GSK3B: variants seen among roughly 807,000 people sequenced by gnomAD.
GSK3B encodes glycogen synthase kinase-3 beta.
GSK3B carries 15 observed loss-of-function variants against 56.4 expected under a neutral mutation model. That is an observed-to-expected ratio of 0.27 (90% confidence interval 0.18 to 0.41). GSK3B has a LOEUF of 0.41. GSK3B is among the 10% of genes least tolerant of loss of function. The pLI, the probability that GSK3B is intolerant of heterozygous loss-of-function variation, is 1.00. For synonymous variants in GSK3B, 181 were observed against 188.9 expected, an observed-to-expected ratio of 0.96 and a Z score of 0.34; for missense variants, 300 against 513.4, an observed-to-expected ratio of 0.58 and a Z score of 4.02.
In GSK3B at chr3:119,822,129, A is replaced by G; in HGVS notation, c.*4659T>C. On this transcript the variant is annotated 3_prime_UTR_variant, in exon 11 of 11. Coordinates refer to ENST00000264235, the MANE Select transcript of GSK3B (RefSeq NM_001146156.2). ...AGTTTATATTTAAAATGAAAAAAAA[A>G]TCAGTCACAGAGGCATTCAAGTAGT... 5.0e-6 allele frequency: 1 copy of G among 198,086 alleles called. No individual in the cohort carries two copies. Among genetic ancestry groups the G allele is most frequent in the Non-Finnish European group, 1.0e-5 (1 of 96,286 alleles). 12.3% of individuals were successfully genotyped at this position (198,086 alleles called of 1,614,324 possible).
chr3:119,870,174 CCATCCTCA>C (rs1169179544), intron 8 of GSK3B, among the ~76,000 whole-genome samples: 10 of 152,194 alleles, frequency 6.6e-5, no homozygotes, highest in African/African-American at 2.4e-4. Context: ...TTTCCCTCCA[CCATCCTCA>C]CTGGAAGTCT....
chr3:119,947,275 C>T lies in GSK3B; in HGVS notation c.359G>A (p.Gly120Asp). Reference sequence around the variant, plus strand: ...ACTTTGTGTCAAACCTACCTTCTCACCACTGGAGTAGAAGAAATAACGCAA... The same window carrying T: ...ACTTTGTGTCAAACCTACCTTCTCATCACTGGAGTAGAAGAAATAACGCAA... ...VRLRYFFYSSGEKKDEVYLNL... is the reference protein window; with the variant it reads ...VRLRYFFYSSDEKKDEVYLNL... The change falls in exon 3 of 11, where the codon GGT becomes GAT. Residue 120 changes from glycine (G) to aspartate (D), a missense_variant. Physicochemically the swap from Gly to Asp is moderately conservative, Grantham distance 94. Transcript: ENST00000264235. The T allele has an allele frequency of 6.4e-7, 1 of 1,561,896 alleles. No individual in the cohort carries two copies. The highest frequency in any genetic ancestry group is 8.8e-7 in the Non-Finnish European group (1 of 1,132,668).
intron 1 of GSK3B, among the ~76,000 whole-genome samples, chr3:120,014,756 G>T (rs1313989138): frequency 6.6e-6 from 1 of 152,190 alleles, no homozygotes; most frequent in Non-Finnish European, 1.5e-5. Flanking sequence ...GGGATAGGAA[G>T]AGTAAATAAA....
At chr3:119,885,177 A>G (rs1031918578) in intron 7 of GSK3B, among the ~76,000 whole-genome samples, 1 of 151,998 alleles carries the variant, frequency 6.6e-6, no homozygotes, top group Non-Finnish European at 1.5e-5. Flanking sequence ...ATGAATAAGT[A>G]GCATTTCTAT....
chr3:119,864,639 T>C (rs915118296), intron 8 of GSK3B, among the ~76,000 whole-genome samples: 3 of 152,176 alleles, frequency 2.0e-5, no homozygotes, highest in African/African-American at 7.2e-5. Context: ...CCCACGCAGA[T>C]TGTGACAGGG....
intron 1 of GSK3B, among the ~76,000 whole-genome samples, chr3:120,060,405 C>T (rs1409839036): frequency 6.6e-6 from 1 of 152,120 alleles, no homozygotes; most frequent in Non-Finnish European, 1.5e-5. Flanking sequence ...GAACAAATTT[C>T]TTCAATTCTT....
At chr3:120,012,986 T>C (rs1302802752) in intron 1 of GSK3B, among the ~76,000 whole-genome samples, 1 of 152,110 alleles carries the variant, frequency 6.6e-6, no homozygotes, top group African/African-American at 2.4e-5. Context: ...CTGTATCCAG[T>C]CTAGAATACA....
At chr3:119,953,258 G>A (rs1401767712) in intron 2 of GSK3B, among the ~76,000 whole-genome samples, 2 of 151,346 alleles carry the variant, frequency 1.3e-5, no homozygotes, top group South Asian at 2.1e-4. Context: ...GTTCAACACA[G>A]AAGATAGTAA....
chr3:119,968,051 T>C lies in GSK3B; in HGVS notation c.283-20700A>G, dbSNP rs563368855. 1.3e-4 allele frequency among the ~76,000 whole-genome samples: 20 copies of C among 152,262 alleles called. No homozygotes were observed. The South Asian group carries it at 4.2e-3, about 32-fold the overall frequency. On this transcript the variant is annotated intron_variant, in intron 2 of 10. Coordinates refer to ENST00000264235, the MANE Select transcript of GSK3B (RefSeq NM_001146156.2). ...TTTGTATTTTTAGTAGGGACGGGGT[T>C]TCACCGTGTTAGCCAGGATGGTCTC...
At chr3:120,065,151 G>A (rs2058268621) in intron 1 of GSK3B, among the ~76,000 whole-genome samples, 1 of 152,022 alleles carries the variant, frequency 6.6e-6, no homozygotes, top group Non-Finnish European at 1.5e-5. Context: ...TAAAACTTTT[G>A]TGCATCAAAG....
At chr3:119,829,394 G>A (rs1361442549) in intron 10 of GSK3B, among the ~76,000 whole-genome samples, 3 of 152,178 alleles carry the variant, frequency 2.0e-5, no homozygotes, top group Admixed American at 2.0e-4. Context: ...AGTATGGGAA[G>A]ATAACAGGTA....
At position 119,876,583 on chromosome 3, in the gene GSK3B, A is replaced by T. The variant is rs1043649183; in HGVS notation, c.814-75T>A. Reference sequence around the variant, plus strand: ...TAGTCTCCATGTTTTCAGGCATTGGATTCACTGAAAAAAGGAATTCCCAAG... The same window carrying T: ...TAGTCTCCATGTTTTCAGGCATTGGTTTCACTGAAAAAAGGAATTCCCAAG... On this transcript the variant is annotated intron_variant, in intron 7 of 10. Transcript: ENST00000264235. 5 of 810,664 alleles carry T rather than the reference A, an allele frequency of 6.2e-6. No individual in the cohort carries two copies. The Admixed American group carries it at 1.1e-4, about 17-fold the overall frequency. 50.2% of individuals were successfully genotyped at this position (810,664 alleles called of 1,614,324 possible).
At chr3:120,032,046 G>C (rs764114582) in intron 1 of GSK3B, among the ~76,000 whole-genome samples, 1 of 152,042 alleles carries the variant, frequency 6.6e-6, no homozygotes, top group South Asian at 2.1e-4. Flanking sequence ...TGAATCGAAC[G>C]TTCTGAAATG....
chr3:119,970,613 TAAA>T (rs1170925404), intron 2 of GSK3B, among the ~76,000 whole-genome samples: 1,546 of 114,234 alleles, frequency 0.014, 21 homozygotes, highest in African/African-American at 0.047. Flanking sequence ...CTACTAAAAT[TAAA>T]AAAAAAAAAA....
chr3:120,029,291 A>C (rs2107519504), intron 1 of GSK3B: 1 of 742,256 alleles, frequency 1.3e-6, no homozygotes, highest in East Asian at 2.6e-5. Context: ...TATAGAGAGT[A>C]CCTTCTCTGC....
At chr3:120,083,755 C>G (rs936016862) in intron 1 of GSK3B, among the ~76,000 whole-genome samples, 2 of 152,134 alleles carry the variant, frequency 1.3e-5, no homozygotes, top group Non-Finnish European at 2.9e-5. Flanking sequence ...AGAAACAACC[C>G]AAATGTCCAT....
intron 3 of GSK3B, among the ~76,000 whole-genome samples, chr3:119,939,155 A>G (rs2057023471): frequency 6.6e-6 from 1 of 152,096 alleles, no homozygotes; most frequent in Non-Finnish European, 1.5e-5. Flanking sequence ...ATGAAAAAGA[A>G]CTCAACAAAA....
chr3:119,876,810 C>T (rs1359115693), intron 7 of GSK3B, among the ~76,000 whole-genome samples: 2 of 152,072 alleles, frequency 1.3e-5, no homozygotes, highest in African/African-American at 4.8e-5. Context: ...CAAGAGCAGG[C>T]TGGTTAGAAA....
At chr3:119,828,316 ACTG>A (rs2055546673) in intron 10 of GSK3B, among the ~76,000 whole-genome samples, 1 of 152,206 alleles carries the variant, frequency 6.6e-6, no homozygotes, top group Non-Finnish European at 1.5e-5. Context: ...GGTTTAGTAG[ACTG>A]CTGTTTTAGT....
Sources: gnomAD v4.1 joint callset for allele counts (sites outside exome capture counted in the v4.1 genomes callset) on GRCh38, gnomAD v4.1.1 for gene constraint, MANE v1.5 for transcripts, NCBI Gene and HGNC (gene_info 2026-07-23, HGNC 2026-07-21) for gene names.